ANO4: variants seen among roughly 807,000 people sequenced by gnomAD.
ANO4 encodes anoctamin 4.
A neutral mutation model predicts 141.9 loss-of-function variants in ANO4; 69 were observed. The ratio of observed to expected loss-of-function variants is 0.49; its 90% CI spans 0.40 to 0.59. The LOEUF (loss-of-function observed/expected upper bound fraction) is 0.59, where lower values mean the gene tolerates loss of function less well. Among genes scored for constraint, ANO4 ranks in the 20% least tolerant of loss-of-function variants. The pLI is 0.00. For synonymous variants in ANO4, 350 were observed against 394.3 expected, an observed-to-expected ratio of 0.89 and a Z score of 1.33; for missense variants, 894 against 1,162.2, an observed-to-expected ratio of 0.77 and a Z score of 3.36.
intron 1 of ANO4, among the ~76,000 whole-genome samples, chr12:100,848,234 G>T (rs1427417740): frequency 2.0e-5 from 3 of 152,074 alleles, no homozygotes; most frequent in Non-Finnish European, 4.4e-5. Context: ...TGTCTCTGGT[G>T]TTGGGATAGC....
At chr12:100,735,545 T>A (rs1316968850) in intron 2 of ANO4, among the ~76,000 whole-genome samples, 2 of 152,010 alleles carry the variant, frequency 1.3e-5, no homozygotes. Flanking sequence ...TATGGGAGAA[T>A]CTGGTGTTGT....
intron 1 of ANO4, among the ~76,000 whole-genome samples, chr12:100,727,988 A>C (rs2031208437): frequency 6.6e-6 from 1 of 152,200 alleles, no homozygotes; most frequent in Non-Finnish European, 1.5e-5. Flanking sequence ...CCTCTCCTCC[A>C]AACAATACTT....
intron 5 of ANO4, among the ~76,000 whole-genome samples, chr12:100,956,856 T>G (rs2043194198): frequency 6.6e-6 from 1 of 152,356 alleles, no homozygotes; most frequent in South Asian, 2.1e-4. Flanking sequence ...TTATGTCACA[T>G]AATGTTTTAC....
At chr12:100,944,173 C>T (rs540114185) in intron 5 of ANO4, among the ~76,000 whole-genome samples, 82 of 152,224 alleles carry the variant, frequency 5.4e-4, no homozygotes, top group African/African-American at 1.9e-3. Flanking sequence ...TTCCAAATAG[C>T]GCACATTAAA....
chr12:101,107,676 A>G (rs149792980), intron 22 of ANO4, among the ~76,000 whole-genome samples: 10 of 152,214 alleles, frequency 6.6e-5, no homozygotes, highest in African/African-American at 2.4e-4. Flanking sequence ...CTTGGAGTCA[A>G]TTTATTGAGA....
rs34416390 is a variant in ANO4 at position 101,066,997 on chromosome 12, CAAAAAAA to C, written c.1313-12182_1313-12176del. On this transcript the variant is annotated intron_variant, in intron 14 of 27. Coordinates refer to ENST00000392977, the MANE Select transcript of ANO4 (RefSeq NM_001286615.2). ...ATGTACCCTAGAACTTAAAGTATAA[CAAAAAAA>C]AAAAAAAAAAAAAGAAAGAACAGAC... is the stretch of plus-strand genomic sequence containing the variant. The C allele has an allele frequency of 2.6e-3, 477 of 181,494 alleles. 2 individuals are homozygous for C. The highest frequency in any genetic ancestry group is 3.3e-3 in the Non-Finnish European group (335 of 100,650). 11.2% of individuals were successfully genotyped at this position (181,494 alleles called of 1,614,324 possible).
intron 1 of ANO4, among the ~76,000 whole-genome samples, chr12:100,807,782 A>T (rs1166424658): frequency 6.6e-6 from 1 of 151,986 alleles, no homozygotes; most frequent in East Asian, 1.9e-4. Context: ...TTCAGCTCCC[A>T]CTTATAAGTG....
intron 3 of ANO4, among the ~76,000 whole-genome samples, chr12:100,922,867 G>A (rs1022246422): frequency 1.3e-5 from 2 of 151,958 alleles, no homozygotes; most frequent in South Asian, 4.1e-4. Context: ...TTTTATTTCT[G>A]TTTTATAGCT....
At chr12:100,725,343 CT>C (rs5800419) in intron 1 of ANO4, among the ~76,000 whole-genome samples, 183 of 114,956 alleles carry the variant, frequency 1.6e-3, no homozygotes, top group Middle Eastern at 5.1e-3. Flanking sequence ...AAATTGGTAT[CT>C]TTTTTTTTTT....
intron 3 of ANO4, among the ~76,000 whole-genome samples, chr12:100,784,771 A>G (rs747309996): frequency 1.3e-5 from 2 of 152,234 alleles, no homozygotes; most frequent in South Asian, 2.1e-4. Flanking sequence ...GGCCTTGACC[A>G]GGGTAAGTGT....
chr12:100,831,209 C>T (rs2036613595), intron 1 of ANO4, among the ~76,000 whole-genome samples: 1 of 152,050 alleles, frequency 6.6e-6, no homozygotes, highest in Admixed American at 6.6e-5. Flanking sequence ...ACTCCACAGT[C>T]GACATTTAGT....
At position 100,977,857 on chromosome 12, in the gene ANO4, C is replaced by T. The variant is rs965915153; in HGVS notation, c.602+2968C>T. On this transcript the variant is annotated intron_variant, in intron 7 of 27. Coordinates refer to ENST00000392977, the MANE Select transcript of ANO4 (RefSeq NM_001286615.2). ...CCCTTTATAAACTGTCCTCGCCCAT[C>T]GCTTCCCTCCCACCACTCTTTGCTC... Among the ~76,000 whole-genome samples, 7 of 152,324 alleles carry T rather than the reference C, an allele frequency of 4.6e-5. No homozygotes were observed. The South Asian group carries it at 1.5e-3, about 32-fold the overall frequency.
chr12:100,721,873 A>G (rs1178390239), intron 1 of ANO4, among the ~76,000 whole-genome samples: 1 of 145,806 alleles, frequency 6.9e-6, no homozygotes, highest in Admixed American at 6.8e-5. Flanking sequence ...TTTTTTTTTA[A>G]GTAGAGGCAG....
chr12:100,717,868 G>A (rs1249268085), intron 1 of ANO4, among the ~76,000 whole-genome samples: 1 of 152,192 alleles, frequency 6.6e-6, no homozygotes, highest in Non-Finnish European at 1.5e-5. Flanking sequence ...CCTCTAGCGG[G>A]GTGAGGCTTG....
intron 3 of ANO4, among the ~76,000 whole-genome samples, chr12:100,764,766 C>A (rs570134447): frequency 7.2e-5 from 11 of 152,294 alleles, no homozygotes; most frequent in African/African-American, 2.6e-4. Context: ...ACTTTTCCCA[C>A]AGTTTAAATG....
At chr12:100,830,811 T>G (rs983555785) in intron 1 of ANO4, among the ~76,000 whole-genome samples, 1 of 152,140 alleles carries the variant, frequency 6.6e-6, no homozygotes, top group East Asian at 1.9e-4. Flanking sequence ...GACTTGAGTT[T>G]ATCAGTGACT....
At chr12:100,920,984 A>G (rs988556841) in intron 2 of ANO4, among the ~76,000 whole-genome samples, 4 of 152,142 alleles carry the variant, frequency 2.6e-5, no homozygotes, top group Admixed American at 6.6e-5. Context: ...GGAGGAAACT[A>G]AAATTTAGAG....
chr12:101,081,814 A>G (rs934423855), intron 15 of ANO4, among the ~76,000 whole-genome samples: 2 of 152,082 alleles, frequency 1.3e-5, no homozygotes, highest in Non-Finnish European at 2.9e-5. Flanking sequence ...ATAGATGGCC[A>G]TCTTCTCCCT....
intron 5 of ANO4, among the ~76,000 whole-genome samples, chr12:100,959,624 A>G (rs914648610): frequency 7.2e-5 from 11 of 152,140 alleles, no homozygotes; most frequent in African/African-American, 2.7e-4. Flanking sequence ...CTGTTATCTT[A>G]CTGGCCTCAC....
Sources: gnomAD v4.1 joint callset for allele counts (sites outside exome capture counted in the v4.1 genomes callset) on GRCh38, gnomAD v4.1.1 for gene constraint, MANE v1.5 for transcripts, NCBI Gene and HGNC (gene_info 2026-07-23, HGNC 2026-07-21) for gene names.